The following MYO9B variants were observed in gnomAD, a reference collection of about 807,000 sequenced individuals.
MYO9B encodes the protein myosin IXB.
In MYO9B, 71 loss-of-function variants were observed where a neutral mutation model predicts 229.5. The ratio of observed to expected loss-of-function variants is 0.31; its 90% CI spans 0.26 to 0.38. The LOEUF is 0.38. Among genes scored for constraint, MYO9B ranks in the 10% least tolerant of loss-of-function variants. The pLI, the probability that MYO9B is intolerant of heterozygous loss-of-function variation, is 1.00. For synonymous variants in MYO9B, 1,185 were observed against 1,235.8 expected (o/e 0.96, Z 0.86); for missense variants, 2,255 against 2,920.5 (o/e 0.77, Z 5.25).
At chr19:17,126,311 G>A (rs2058018487) in intron 2 of MYO9B, among the ~76,000 whole-genome samples, 1 of 152,092 alleles carries the variant, frequency 6.6e-6, no homozygotes, top group Non-Finnish European at 1.5e-5. Flanking sequence ...GCTCCTCCAC[G>A]TCCCCACCAT....
intron 1 of MYO9B, among the ~76,000 whole-genome samples, chr19:17,077,656 C>T (rs2057498714): frequency 6.6e-6 from 1 of 152,106 alleles, no homozygotes; most frequent in Non-Finnish European, 1.5e-5. Context: ...AATGAATTGA[C>T]CTCCATCAGC....
chr19:17,129,321 G>A (rs562962221), intron 2 of MYO9B, among the ~76,000 whole-genome samples: 4 of 152,262 alleles, frequency 2.6e-5, no homozygotes, highest in East Asian at 3.9e-4. Context: ...AGAATCACTC[G>A]AGCCCGGGAG....
At chr19:17,098,042 A>G (rs1248111545) in intron 1 of MYO9B, among the ~76,000 whole-genome samples, 2 of 68,444 alleles carry the variant, frequency 2.9e-5, no homozygotes, top group African/African-American at 1.7e-4. Flanking sequence ...TTCATCCTTC[A>G]GAACCCCCCC....
Position 17,096,699 on chromosome 19 carries a change from GTTGTTGGT to G in MYO9B, c.-58-4958_-58-4951del, listed in dbSNP as rs1568658517. 2.9e-3 allele frequency among the ~76,000 whole-genome samples: 176 copies of G among 60,088 alleles called. 2 individuals carry two copies. The highest frequency in any genetic ancestry group is 0.017 in the African/African-American group (173 of 10,090). 39.4% of individuals were successfully genotyped at this position (60,088 alleles called of 152,430 possible). On this transcript the variant is annotated intron_variant, in intron 1 of 39. Coordinates refer to ENST00000682292, the MANE Select transcript of MYO9B (RefSeq NM_004145.4). ...TGTTGTTGTTGTTGTTGTTGTTGTTGTTGTTGGTTTTTTTTTTTTTTTTGGAGACGGAG... is the reference window on the plus strand; with the variant it reads ...TGTTGTTGTTGTTGTTGTTGTTGTTGTTTTTTTTTTTTTTTGGAGACGGAG...
intron 19 of MYO9B, among the ~76,000 whole-genome samples, 200 bp from the exon 20 acceptor site, chr19:17,190,897 G>A (rs62126162): frequency 0.53 from 80,604 of 151,558 alleles, 23,212 homozygotes; most frequent in East Asian, 0.74. Context: ...CACACACCTC[G>A]GCCTCCCAAA....
intron 2 of MYO9B, among the ~76,000 whole-genome samples, chr19:17,106,096 C>T (rs1456257211): frequency 6.6e-6 from 1 of 151,658 alleles, no homozygotes; most frequent in Non-Finnish European, 1.5e-5. Flanking sequence ...TCGAGAACTT[C>T]TGGGCTCAAG....
rs182145004 is a variant in MYO9B, at chr19:17,182,565, G to A, written c.2334-1264G>A. On this transcript the variant is annotated intron_variant, in intron 15 of 39. Transcript: ENST00000682292. ...ATTACAGGTGTGCACCACCACACCCGACTAATTTTTTTCTGTTTTTAGTAG... is the reference window on the plus strand; with the variant it reads ...ATTACAGGTGTGCACCACCACACCCAACTAATTTTTTTCTGTTTTTAGTAG... Among the ~76,000 whole-genome samples, 42 of 151,762 alleles carry A rather than the reference G, an allele frequency of 2.8e-4. No individual in the cohort carries two copies. The Middle Eastern group carries it at 0.014, about 49-fold the overall frequency.
rs146722220 is a variant in MYO9B, at chr19:17,200,621, C to T, written c.4373-18C>T. On this transcript the variant is annotated intron_variant, in intron 25 of 39. Transcript: ENST00000682292. Reference sequence around the variant, plus strand: ...CCCCTGAACCCACCCTCACCGGCTGCTTCCTGTCCCCCCTCAGCCCCCTCC... The same window carrying T: ...CCCCTGAACCCACCCTCACCGGCTGTTTCCTGTCCCCCCTCAGCCCCCTCC... 2.8e-3 allele frequency: 4,474 copies of T among 1,601,836 alleles called. 91 individuals are homozygous for T. The African/African-American group carries it at 0.053, about 19-fold the overall frequency.
intron 2 of MYO9B, among the ~76,000 whole-genome samples, chr19:17,137,477 G>A (rs963832583): frequency 2.6e-5 from 4 of 152,122 alleles, no homozygotes; most frequent in East Asian, 1.9e-4. Context: ...AAAAGCACCC[G>A]GCTACTTCCC....
At chr19:17,136,430 C>T (rs2072270420) in intron 2 of MYO9B, among the ~76,000 whole-genome samples, 6 of 152,136 alleles carry the variant, frequency 3.9e-5, no homozygotes, top group Admixed American at 3.9e-4. Context: ...GCAGGGACCC[C>T]TCAGCACCTA....
At chr19:17,138,004 A>G (rs1366641373) in intron 2 of MYO9B, among the ~76,000 whole-genome samples, 2 of 151,682 alleles carry the variant, frequency 1.3e-5, no homozygotes, top group Admixed American at 1.3e-4. Flanking sequence ...TGCACCCATC[A>G]ACCCGTCACC....
Position 17,101,685 on chromosome 19 carries a change from T to C in MYO9B, c.-33T>C, listed in dbSNP as rs1460846423. Reference sequence around the variant, plus strand: ...CTCCAGGACACGCGCGCCCCGAGCCTGGGAGGCATGCTGAAGCCAGGCGGC... The same window carrying C: ...CTCCAGGACACGCGCGCCCCGAGCCCGGGAGGCATGCTGAAGCCAGGCGGC... On this transcript the variant is annotated 5_prime_UTR_variant, in exon 2 of 40. Coordinates refer to ENST00000682292, the MANE Select transcript of MYO9B (RefSeq NM_004145.4). The surrounding 1 kb of genome is among the most constrained non-coding windows in gnomAD (Gnocchi z 4.7). The C allele has an allele frequency of 6.5e-7, 1 of 1,528,430 alleles. No individual in the cohort carries two copies. Among genetic ancestry groups the C allele is most frequent in the Admixed American group, 2.0e-5 (1 of 49,188 alleles). The allele number at this position is 1,528,430 out of a possible 1,614,324, so 94.7% of individuals were successfully genotyped here. A position where few individuals can be genotyped will look rare whatever the true frequency, so the allele number is the denominator to read the frequency against.
chr19:17,102,697 T>C, intron 2 of MYO9B, 140 bp downstream of exon 2: 1 of 1,227,022 alleles, frequency 8.1e-7, no homozygotes. Context: ...GCCCAGGAGT[T>C]CAAGATCAGC....
At chr19:17,125,980 G>A (rs933686523) in intron 2 of MYO9B, among the ~76,000 whole-genome samples, 1 of 152,114 alleles carries the variant, frequency 6.6e-6, no homozygotes, top group Admixed American at 6.5e-5. Flanking sequence ...GGGCTTGGGG[G>A]TGTGGGGAGT....
At chr19:17,143,248 C>A (rs1010150851) in intron 2 of MYO9B, among the ~76,000 whole-genome samples, 73 of 139,716 alleles carry the variant, frequency 5.2e-4, no homozygotes, top group African/African-American at 8.2e-4. Context: ...AAAAAAAAAA[C>A]AAACAAACTT....
At chr19:17,076,936 C>T (rs1357218303) in intron 1 of MYO9B, among the ~76,000 whole-genome samples, 1 of 152,154 alleles carries the variant, frequency 6.6e-6, no homozygotes, top group Non-Finnish European at 1.5e-5. Context: ...GCACGACAGC[C>T]ACGAGCCCTC....
chr19:17,136,224 G>C (rs1310464697), intron 2 of MYO9B, among the ~76,000 whole-genome samples: 1 of 152,166 alleles, frequency 6.6e-6, no homozygotes, highest in Non-Finnish European at 1.5e-5. Context: ...GCAAGGAGGA[G>C]GGCCTAGGCC....
At chr19:17,166,497 A>G (rs1297825890) in intron 10 of MYO9B, among the ~76,000 whole-genome samples, 2 of 150,748 alleles carry the variant, frequency 1.3e-5, no homozygotes, top group African/African-American at 2.4e-5. Context: ...TGATATATTT[A>G]TGTTTTTTTT....
rs141927993 is a variant in MYO9B at position 17,150,301 on chromosome 19, G to A, written c.936-2343G>A. Among the ~76,000 whole-genome samples the A allele has an allele frequency of 3.1e-3, 466 of 152,206 alleles. 1 individual carries two copies. The highest frequency in any genetic ancestry group is 0.01 in the African/African-American group (434 of 41,534). On this transcript the variant is annotated intron_variant, in intron 3 of 39. Transcript: ENST00000682292. Reference sequence around the variant, plus strand: ...CTCATGCCTATAATCCCAGCTACTCGGGAAGCTGAGGCAGGAGAATCACTT... The same window carrying A: ...CTCATGCCTATAATCCCAGCTACTCAGGAAGCTGAGGCAGGAGAATCACTT...
Sources: gnomAD v4.1 joint callset for allele counts (sites outside exome capture counted in the v4.1 genomes callset) on GRCh38, gnomAD v4.1.1 for gene constraint, Gnocchi (gnomAD v3.1) non-coding constraint, MANE v1.5 for transcripts, NCBI Gene and HGNC (gene_info 2026-07-23, HGNC 2026-07-21) for gene names.